SHROOM3: variants seen among roughly 807,000 people sequenced by gnomAD.
SHROOM3 encodes shroom family member 3, also known as protein Shroom3.
In SHROOM3, 47 loss-of-function variants were observed where a neutral mutation model predicts 138.6. The ratio of observed to expected loss-of-function variants is 0.34; its 90% confidence interval spans 0.27 to 0.43. SHROOM3 has a LOEUF of 0.43. SHROOM3 is among the 20% of genes least tolerant of loss of function. The pLI, the probability that SHROOM3 is intolerant of heterozygous loss-of-function variation, is 1.00. For missense variants in SHROOM3, 2,491 were observed against 2,596.5 expected (o/e 0.96, Z 0.88); for synonymous variants, 1,062 against 1,063.3 (o/e 1.00, Z 0.02).
At chr4:76,653,853 G>A (rs58033965) in intron 2 of SHROOM3, among the ~76,000 whole-genome samples, 6 of 152,092 alleles carry the variant, frequency 3.9e-5, no homozygotes, top group African/African-American at 1.4e-4. Context: ...GCTTAGCTGA[G>A]CCACCATGCT....
In SHROOM3 at chr4:76,765,111, ATT is replaced by A. The variant is rs34890356; in HGVS notation, c.5349+5429_5349+5430del. Among the ~76,000 whole-genome samples the A allele has an allele frequency of 5.3e-3, 752 of 140,828 alleles. 9 individuals are homozygous for A. The highest frequency in any genetic ancestry group is 0.018 in the African/African-American group (713 of 38,736). 92.4% of individuals were successfully genotyped at this position (140,828 alleles called of 152,430 possible). Reference sequence around the variant, plus strand: ...CTTTCCTATCTCCATTCTGCCAGTGATTTTTTTTTTTTTTAATTTCAAATATT... The same window carrying A: ...CTTTCCTATCTCCATTCTGCCAGTGATTTTTTTTTTTTAATTTCAAATATT... On this transcript the variant is annotated intron_variant, in intron 9 of 10. Transcript: ENST00000296043.
chr4:76,469,095 G>A (rs184788277), intron 1 of SHROOM3, among the ~76,000 whole-genome samples: 13 of 151,648 alleles, frequency 8.6e-5, no homozygotes, highest in African/African-American at 2.2e-4. Context: ...CCAGCTACTC[G>A]GGAGGCCGAG....
At chr4:76,702,791 A>G (rs1009999574) in intron 2 of SHROOM3, among the ~76,000 whole-genome samples, 2 of 152,296 alleles carry the variant, frequency 1.3e-5, no homozygotes, top group Non-Finnish European at 2.9e-5. Context: ...AGCTGTGTCA[A>G]AGGGCTCAGT....
Position 76,741,315 on chromosome 4 carries a change from C to T in SHROOM3, c.3142C>T (p.Arg1048Cys). The change falls in exon 5 of 11, where the codon CGT becomes TGT. Residue 1048 changes from arginine to cysteine, a missense_variant. Physicochemically the swap from Arg to Cys is radical, Grantham distance 180. Transcript: ENST00000296043. This position sits in a 1 kb window ranked among gnomAD's most constrained non-coding sequence, Gnocchi z 6.2. ...APLGPQRNGM[R>C]FPESSVADRR... Reference sequence around the variant, plus strand: ...CCTGGGCCCGCAGAGAAATGGGATGCGTTTCCCGGAGAGCAGCGTGGCCGA... The same window carrying T: ...CCTGGGCCCGCAGAGAAATGGGATGTGTTTCCCGGAGAGCAGCGTGGCCGA... The T allele has an allele frequency of 1.9e-6, 3 of 1,611,876 alleles. No homozygotes were observed. Among genetic ancestry groups the T allele is most frequent in the South Asian group, 1.1e-5 (1 of 90,994 alleles).
chr4:76,599,485 T>A (rs967246986), intron 2 of SHROOM3, among the ~76,000 whole-genome samples: 1 of 152,202 alleles, frequency 6.6e-6, no homozygotes, highest in Non-Finnish European at 1.5e-5. Context: ...TCTTTCAAGA[T>A]GAAAATAATA....
At chr4:76,762,586 G>A (rs571801670) in intron 9 of SHROOM3, among the ~76,000 whole-genome samples, 7 of 152,294 alleles carry the variant, frequency 4.6e-5, no homozygotes, top group Admixed American at 1.3e-4. Flanking sequence ...AATTTCCTTC[G>A]GTTCCTTCTT....
rs943063585 is a variant in SHROOM3, at chr4:76,664,146, T to G, written c.324-46010T>G. Among the ~76,000 whole-genome samples, 3 of 152,252 alleles carry G rather than the reference T, an allele frequency of 2.0e-5. No individual in the cohort carries two copies. The highest frequency in any genetic ancestry group is 7.2e-5 in the African/African-American group (3 of 41,476). On this transcript the variant is annotated intron_variant, in intron 2 of 10. Coordinates refer to ENST00000296043, the MANE Select transcript of SHROOM3 (RefSeq NM_020859.4). The surrounding 1 kb of genome is among the most constrained non-coding windows in gnomAD (Gnocchi z 4.2). ...CTTTCTCTGTAGGCCCATAGTCATT[T>G]ACCACATGGGATCCTCCTGGCTGTC...
At chr4:76,630,694 AAG>A (rs1468475191) in intron 2 of SHROOM3, among the ~76,000 whole-genome samples, 5 of 152,354 alleles carry the variant, frequency 3.3e-5, no homozygotes, top group Non-Finnish European at 5.9e-5. Flanking sequence ...AAGGATAAGA[AAG>A]AGAATGTAGG....
At chr4:76,725,227 CAAAT>C (rs905336198) in intron 3 of SHROOM3, among the ~76,000 whole-genome samples, 7 of 151,056 alleles carry the variant, frequency 4.6e-5, no homozygotes, top group Non-Finnish European at 1.0e-4. Flanking sequence ...CTGCCCAGGG[CAAAT>C]AAATAGTTAC....
Position 76,739,058 on chromosome 4 carries a change from C to T in SHROOM3, c.885C>T (p.Leu295=), listed in dbSNP as rs1398559568. Residue 295 remains leucine (L), a synonymous_variant, in exon 5 of 11, where the codon CTC becomes CTT. Transcript: ENST00000296043. ...SMDNTSARGG[L]LEGMRQADIR... ...ACAATACTTCTGCTCGAGGTGGCCT[C>T]CTCGAAGGGATGAGGCAGGCAGATA... The T allele has an allele frequency of 6.2e-7, 1 of 1,614,106 alleles. No individual in the cohort carries two copies. The highest frequency in any genetic ancestry group is 1.7e-5 in the Admixed American group (1 of 60,016).
rs2109801989 is a variant in SHROOM3 at position 76,780,795 on chromosome 4, T to C, written c.*1618T>C. 1 of 152,330 alleles carries C rather than the reference T, an allele frequency of 6.6e-6. No individual in the cohort carries two copies. The highest frequency in any genetic ancestry group is 2.1e-4 in the South Asian group (1 of 4,814). 9.4% of individuals were successfully genotyped at this position (152,330 alleles called of 1,614,324 possible). ...ATACAAATAAGACAGCACCTTGGTTTCCCAGGGATGTTTTCATTCAGAGGT... is the reference window on the plus strand; with the variant it reads ...ATACAAATAAGACAGCACCTTGGTTCCCCAGGGATGTTTTCATTCAGAGGT... On this transcript the variant is annotated 3_prime_UTR_variant, in exon 11 of 11. Transcript: ENST00000296043.
rs746043483 is a variant in SHROOM3, at chr4:76,739,376, C to T, written c.1203C>T (p.Pro401=). The T allele has an allele frequency of 6.2e-7, 1 of 1,614,134 alleles. No homozygotes were observed. The highest frequency in any genetic ancestry group is 8.5e-7 in the Non-Finnish European group (1 of 1,180,036). The change falls in exon 5 of 11, where the codon CCC becomes CCT. Residue 401 remains proline, a synonymous_variant. Coordinates refer to ENST00000296043, the MANE Select transcript of SHROOM3 (RefSeq NM_020859.4). ...CAGCATTTCGGCACCGTGAGCGGCC[C>T]AGCTCCTGGTCTAGCCTTGATCAGA... ...SYAAFRHRER[P]SSWSSLDQKR...
At chr4:76,729,917 G>C (rs545884624) in intron 3 of SHROOM3, among the ~76,000 whole-genome samples, 2 of 152,320 alleles carry the variant, frequency 1.3e-5, no homozygotes, top group South Asian at 4.1e-4. Flanking sequence ...ACCATATCCA[G>C]ATGGATTCCT....
chr4:76,552,083 G>T (rs570360159), intron 1 of SHROOM3, among the ~76,000 whole-genome samples: 7 of 149,886 alleles, frequency 4.7e-5, no homozygotes, highest in South Asian at 2.1e-4. Flanking sequence ...GGATGGACTC[G>T]ATCTCCTGAC....
At chr4:76,763,628 T>C (rs1722057977) in intron 9 of SHROOM3, among the ~76,000 whole-genome samples, 1 of 152,006 alleles carries the variant, frequency 6.6e-6, no homozygotes, top group Admixed American at 6.6e-5. Flanking sequence ...CAGTGGGAGA[T>C]GAGGCTGGAA....
chr4:76,696,588 C>T (rs1719741647), intron 2 of SHROOM3, among the ~76,000 whole-genome samples: 1 of 152,194 alleles, frequency 6.6e-6, no homozygotes, highest in South Asian at 2.1e-4. Context: ...CTGTCATAGG[C>T]TGGCCTGGCC....
At chr4:76,451,666 A>T (rs1431568004) in intron 1 of SHROOM3, among the ~76,000 whole-genome samples, 1 of 152,228 alleles carries the variant, frequency 6.6e-6, no homozygotes, top group Non-Finnish European at 1.5e-5. Context: ...TTTCCTTAAG[A>T]TCTGCACATT....
Position 76,781,357 on chromosome 4 carries a change from G to A in SHROOM3, c.*2180G>A, listed in dbSNP as rs4859715. 20,540 of 152,150 alleles carry A rather than the reference G, an allele frequency of 0.13. 1,522 individuals carry two copies. Among genetic ancestry groups the A allele is most frequent in the South Asian group, 0.23 (1,125 of 4,818 alleles). 9.4% of individuals were successfully genotyped at this position (152,150 alleles called of 1,614,324 possible). On this transcript the variant is annotated 3_prime_UTR_variant, in exon 11 of 11. Transcript: ENST00000296043. ...TTGCCCAGGCTGGTTTCAAACTCCT[G>A]GGCTCAAGGGATCCTTCCGCTTTGG...
intron 1 of SHROOM3, among the ~76,000 whole-genome samples, chr4:76,547,932 AACACACACAC>A (rs57089323): frequency 2.1e-5 from 3 of 146,074 alleles, no homozygotes; most frequent in African/African-American, 5.1e-5. Context: ...CCTGTCTCAA[AACACACACAC>A]ACACACACAC....
Sources: gnomAD v4.1 joint callset for allele counts (sites outside exome capture counted in the v4.1 genomes callset) on GRCh38, gnomAD v4.1.1 for gene constraint, Gnocchi (gnomAD v3.1) non-coding constraint, MANE v1.5 for transcripts, NCBI Gene and HGNC (gene_info 2026-07-23, HGNC 2026-07-21) for gene names.